The following EIPR1 variants were observed in gnomAD, a reference collection of about 807,000 sequenced individuals.
EIPR1 encodes EARP and GARP complex-interacting protein 1.
EIPR1 carries 25 observed loss-of-function variants against 48.1 expected under a neutral mutation model. That is an observed-to-expected ratio of 0.52 (90% CI 0.38 to 0.73). EIPR1 has a LOEUF of 0.73. Ranked by LOEUF, EIPR1 falls within the 30% of genes least tolerant of loss-of-function variation. The probability of loss-of-function intolerance (pLI) is 0.00; values close to 1 mark genes in which losing one functional copy is unlikely to be tolerated. For synonymous variants in EIPR1, 204 were observed against 201.9 expected (o/e 1.01, Z -0.09); for missense variants, 415 against 506.2 (o/e 0.82, Z 1.73).
chr2:3,193,963 T>C (rs1572273982), intron 7 of EIPR1, 36 bp downstream of exon 7: 1 of 1,608,538 alleles, frequency 6.2e-7, no homozygotes, highest in Non-Finnish European at 8.5e-7. Context: ...AATTGCGTAA[T>C]CCCCTCCTCC....
chr2:3,190,864 G>C (rs1664582346), intron 8 of EIPR1, among the ~76,000 whole-genome samples: 1 of 152,208 alleles, frequency 6.6e-6, no homozygotes, highest in South Asian at 2.1e-4. Context: ...CACTTTGGGA[G>C]GCTGAAGTGG....
chr2:3,223,069 A>G (rs114208751), intron 4 of EIPR1, among the ~76,000 whole-genome samples: 7 of 152,318 alleles, frequency 4.6e-5, no homozygotes, highest in African/African-American at 1.7e-4. Context: ...TGAGACTGGC[A>G]AGATGGATTA....
intron 3 of EIPR1, among the ~76,000 whole-genome samples, chr2:3,305,676 A>G (rs1307350120): frequency 6.6e-6 from 1 of 152,118 alleles, no homozygotes; most frequent in Non-Finnish European, 1.5e-5. Flanking sequence ...ACAAAGGGGG[A>G]CCTGCCCGCC....
At chr2:3,257,830 GCA>G (rs1667209526) in intron 3 of EIPR1, among the ~76,000 whole-genome samples, 1 of 152,202 alleles carries the variant, frequency 6.6e-6, no homozygotes, top group South Asian at 2.1e-4. Flanking sequence ...TCTAAGGTTG[GCA>G]TTAAACGGGT....
intron 1 of EIPR1, among the ~76,000 whole-genome samples, chr2:3,367,969 C>T (rs6744293): frequency 0.013 from 1,927 of 151,926 alleles, 35 homozygotes; most frequent in African/African-American, 0.045. Flanking sequence ...GGCGTGAACC[C>T]GGGAGGCGGA....
At chr2:3,293,001 A>G (rs1668415706) in intron 3 of EIPR1, among the ~76,000 whole-genome samples, 1 of 152,178 alleles carries the variant, frequency 6.6e-6, no homozygotes, top group Non-Finnish European at 1.5e-5. Flanking sequence ...GGTCCCATGA[A>G]GCCTTTCTGG....
chr2:3,230,846 T>C (rs1042009408), intron 4 of EIPR1, among the ~76,000 whole-genome samples: 6 of 152,238 alleles, frequency 3.9e-5, no homozygotes, highest in Admixed American at 1.3e-4. Flanking sequence ...TGGGGTTCCA[T>C]ATGAATTTCA....
intron 5 of EIPR1, 130 bp from the exon 6 acceptor site, chr2:3,197,147 G>A: frequency 2.7e-6 from 3 of 1,105,206 alleles, no homozygotes; most frequent in Admixed American, 3.1e-5. Context: ...TAATTAGGAA[G>A]CTCTGTCTTT....
At position 3,202,150 on chromosome 2, in the gene EIPR1, G is replaced by T. The variant is rs567394058; in HGVS notation, c.517-5133C>A. 2.0e-5 allele frequency among the ~76,000 whole-genome samples: 3 copies of T among 152,256 alleles called. No individual in the cohort carries two copies. The South Asian group carries it at 6.2e-4, about 32-fold the overall frequency. ...GACGGGGTTTCACCATGTTAGCCAG[G>T]ATGGTCTCGATCTTCTGACCTTGTG... On this transcript the variant is annotated intron_variant, in intron 5 of 8. Coordinates refer to ENST00000382125, the MANE Select transcript of EIPR1 (RefSeq NM_003310.5).
At chr2:3,336,493 C>A (rs569760964) in intron 3 of EIPR1, among the ~76,000 whole-genome samples, 5 of 152,252 alleles carry the variant, frequency 3.3e-5, no homozygotes, top group Admixed American at 2.0e-4. Flanking sequence ...AAGGGCCGGG[C>A]GCAGTGGCTC....
At chr2:3,239,952 G>GA (rs1459268215) in intron 4 of EIPR1, among the ~76,000 whole-genome samples, 34 of 152,372 alleles carry the variant, frequency 2.2e-4, no homozygotes, top group Admixed American at 5.9e-4. Flanking sequence ...AAAGCCAGCA[G>GA]ACCCTTCCTA....
intron 3 of EIPR1, among the ~76,000 whole-genome samples, chr2:3,309,132 C>T (rs185627374): frequency 1.1e-4 from 17 of 152,244 alleles, no homozygotes; most frequent in Admixed American, 2.0e-4. Context: ...TGATGGTTGG[C>T]GAAAAAATTA....
chr2:3,269,567 G>GCACT (rs1667628031), intron 3 of EIPR1, among the ~76,000 whole-genome samples: 1 of 88,566 alleles, frequency 1.1e-5, no homozygotes, highest in Non-Finnish European at 2.0e-5. Flanking sequence ...CTCAGTCATC[G>GCACT]CACTCAGTCA....
intron 4 of EIPR1, among the ~76,000 whole-genome samples, chr2:3,235,439 CGCGTGCGCGCACACACACACACA>C (rs746158010): frequency 7.1e-5 from 4 of 56,464 alleles, no homozygotes; most frequent in Admixed American, 2.6e-4. Flanking sequence ...CACACACACA[CGCGTGCGCGCACACACACACACA>C]CCCCCCAATA....
At chr2:3,207,875 T>TA (rs1158114735) in intron 5 of EIPR1, 1 of 152,326 alleles carries the variant, frequency 6.6e-6, no homozygotes, top group Admixed American at 6.5e-5. Context: ...AGTTTTATGA[T>TA]ATTAAAACTA....
intron 1 of EIPR1, among the ~76,000 whole-genome samples, chr2:3,357,172 A>G (rs1670749087): frequency 6.6e-6 from 1 of 152,246 alleles, no homozygotes; most frequent in Non-Finnish European, 1.5e-5. Context: ...TTCTGCATTC[A>G]GGGCCCTTGA....
chr2:3,253,633 T>G (rs1667068574), intron 4 of EIPR1, among the ~76,000 whole-genome samples: 1 of 152,204 alleles, frequency 6.6e-6, no homozygotes, highest in Admixed American at 6.5e-5. Context: ...CTCTGTCTGC[T>G]TCCATAGGCT....
chr2:3,254,791 T>G (rs950543175), intron 4 of EIPR1, among the ~76,000 whole-genome samples: 2 of 152,182 alleles, frequency 1.3e-5, no homozygotes, highest in Non-Finnish European at 2.9e-5. Flanking sequence ...ACTCTGGTGG[T>G]GGCTACACGA....
intron 3 of EIPR1, among the ~76,000 whole-genome samples, chr2:3,301,991 C>T (rs181106623): frequency 2.2e-4 from 33 of 152,272 alleles, no homozygotes; most frequent in African/African-American, 7.0e-4. Context: ...GCTCTGAAGG[C>T]GGAGAGACTG....
Sources: gnomAD v4.1 joint callset for allele counts (sites outside exome capture counted in the v4.1 genomes callset) on GRCh38, gnomAD v4.1.1 for gene constraint, MANE v1.5 for transcripts, NCBI Gene and HGNC (gene_info 2026-07-23, HGNC 2026-07-21) for gene names.